Variants in ABCA5 observed in about 807,000 individuals in gnomAD.
ABCA5 encodes cholesterol transporter ABCA5.
ABCA5 carries 163 observed loss-of-function variants against 206.0 expected under a neutral mutation model. That is an observed-to-expected ratio of 0.79 (90% CI 0.70 to 0.90). The LOEUF is 0.90. ABCA5 is among the 40% of genes least tolerant of loss of function. The pLI is 0.00. For missense variants in ABCA5, 1,859 were observed against 1,912.9 expected, an observed-to-expected ratio of 0.97 and a Z score of 0.53; for synonymous variants, 609 against 613.8, an observed-to-expected ratio of 0.99 and a Z score of 0.11.
At chr17:69,318,970 G>C (rs2075841207) in intron 1 of ABCA5, 1 of 539,454 alleles carries the variant, frequency 1.9e-6, no homozygotes, top group Non-Finnish European at 3.4e-6. Flanking sequence ...TATAAATAAT[G>C]GCTGTTCAGC....
intron 22 of ABCA5, among the ~76,000 whole-genome samples, chr17:69,269,592 A>C (rs1039040624): frequency 6.6e-6 from 1 of 152,180 alleles, no homozygotes. Flanking sequence ...AAAATCTTCT[A>C]CTCAAATATT....
intron 29 of ABCA5, 121 bp from the exon 30 acceptor site, chr17:69,255,971 A>G: frequency 9.1e-7 from 1 of 1,095,786 alleles, no homozygotes; most frequent in Non-Finnish European, 1.3e-6. Flanking sequence ...TACTGTACAA[A>G]TAAATATCCA....
intron 23 of ABCA5, among the ~76,000 whole-genome samples, chr17:69,266,320 T>A (rs1019273530): frequency 6.6e-6 from 1 of 152,160 alleles, no homozygotes. Flanking sequence ...GTATCTTGAC[T>A]GTGTCAATGC....
chr17:69,260,366 C>G lies in ABCA5; in HGVS notation c.3611G>C (p.Trp1204Ser). The change falls in exon 27 of 39, where the codon TGG becomes TCG. Residue 1204 changes from tryptophan (W) to serine (S), a missense_variant. Trp to Ser is a radical substitution (Grantham distance 177). Coordinates refer to ENST00000392676, the MANE Select transcript of ABCA5 (RefSeq NM_172232.4). ...TATAACAGCTACTGAAAGCCTATCC[C>G]ATGGATTATAGGTGTCCACATTTTT... ...VRKNVDTYNP[W>S]DRLSVAVISP... is the part of the protein sequence containing the mutation. 1 of 1,607,708 alleles carries G rather than the reference C, an allele frequency of 6.2e-7. No individual in the cohort carries two copies. Among genetic ancestry groups the G allele is most frequent in the Non-Finnish European group, 8.5e-7 (1 of 1,176,414 alleles).
At chr17:69,248,870 C>T (rs1252473901) in intron 37 of ABCA5, 5 of 152,282 alleles carry the variant, frequency 3.3e-5, no homozygotes, top group Non-Finnish European at 7.3e-5. Context: ...GGACTACAGG[C>T]ACATGCCACT....
Position 69,255,755 on chromosome 17 carries a change from G to A in ABCA5, c.3954C>T (p.Tyr1318=), listed in dbSNP as rs1436935200. ...SRKVKKVATK[Y]ISFCVKKGEI... ...AGCCTTTTTTCACACAGAAAGAGAT[G>A]TATTTAGTTGCCACTTTCTTTACTT... is the stretch of plus-strand genomic sequence containing the variant. The change falls in exon 30 of 39, where the codon TAC becomes TAT. Residue 1318 remains tyrosine, a synonymous_variant. Coordinates refer to ENST00000392676, the MANE Select transcript of ABCA5 (RefSeq NM_172232.4). The A allele has an allele frequency of 1.3e-6, 2 of 1,593,288 alleles. No homozygotes were observed. Among genetic ancestry groups the A allele is most frequent in the Non-Finnish European group, 1.7e-6 (2 of 1,174,056 alleles).
intron 20 of ABCA5, among the ~76,000 whole-genome samples, chr17:69,272,757 C>T (rs2144939590): frequency 6.6e-6 from 1 of 152,242 alleles, no homozygotes; most frequent in African/African-American, 2.4e-5. Flanking sequence ...ACTCATTTAT[C>T]CATCAATAAA....
intron 16 of ABCA5, 77 bp downstream of exon 16, chr17:69,286,144 A>G (rs2075449340): frequency 5.8e-6 from 9 of 1,549,666 alleles, no homozygotes; most frequent in South Asian, 1.2e-5. Context: ...GTCAAAGCAT[A>G]TAACAGCAAG....
intron 20 of ABCA5, among the ~76,000 whole-genome samples, chr17:69,271,925 C>T (rs1455985002): frequency 6.6e-6 from 1 of 152,044 alleles, no homozygotes; most frequent in African/African-American, 2.4e-5. Context: ...GTACCTGGAG[C>T]CAAGAGTAAG....
chr17:69,295,375 C>T (rs1266056763), intron 10 of ABCA5, among the ~76,000 whole-genome samples: 1 of 152,134 alleles, frequency 6.6e-6, no homozygotes. Flanking sequence ...TATTGCACTA[C>T]ACATAATAAA....
intron 28 of ABCA5, 147 bp from the exon 29 acceptor site, chr17:69,256,430 ATTTCTTTTTTTTTCTTTCTTTC>A (rs1328455521): frequency 2.9e-5 from 13 of 447,450 alleles, no homozygotes; most frequent in African/African-American, 2.7e-4. Context: ...TATAAGCGAT[ATTTCTTTTTTTTTCTTTCTTTC>A]TTTCTTTTTT....
rs565108553 is a variant in ABCA5, at chr17:69,258,596, C to T, written c.3731+1110G>A. Among the ~76,000 whole-genome samples the T allele has an allele frequency of 1.7e-3, 263 of 152,130 alleles. 2 individuals are homozygous for T. Among genetic ancestry groups the T allele is most frequent in the African/African-American group, 6.1e-3 (252 of 41,510 alleles). On this transcript the variant is annotated intron_variant, in intron 28 of 38. Transcript: ENST00000392676. ...TTGAAAAACTACCTATTAGGTACAA[C>T]GTTCACCATTTGGGTAATGTTACAA...
intron 16 of ABCA5, 76 bp downstream of exon 16, chr17:69,286,145 T>C (rs2075449374): frequency 1.0e-5 from 16 of 1,549,880 alleles, no homozygotes; most frequent in Non-Finnish European, 1.4e-5. Flanking sequence ...TCAAAGCATA[T>C]AACAGCAAGC....
At position 69,290,049 on chromosome 17, in the gene ABCA5, A is replaced by T. The variant is rs781317429; in HGVS notation, c.1607-12T>A. 8 of 1,509,970 alleles carry T rather than the reference A, an allele frequency of 5.3e-6. No homozygotes were observed. The highest frequency in any genetic ancestry group is 5.4e-6 in the Non-Finnish European group (6 of 1,118,700). The allele number at this position is 1,509,970 out of a possible 1,614,324, so 93.5% of individuals were successfully genotyped here. The stretch of plus-strand genomic sequence containing the variant: ...TATAGATGCAAACCCTAAAAGCAAA[A>T]TATATATTTAAATGTACATTAATTA... On this transcript the variant is annotated splice_polypyrimidine_tract_variant and intron_variant, in intron 12 of 38. Transcript: ENST00000392676.
At chr17:69,317,392 T>C in intron 1 of ABCA5, among the ~76,000 whole-genome samples, 1 of 99,372 alleles carries the variant, frequency 1.0e-5, no homozygotes, top group African/African-American at 3.8e-5. Flanking sequence ...AGAGCAAGAC[T>C]CTGTCTCAAA....
In ABCA5 at chr17:69,287,638, G is replaced by A. The variant is rs1249490092; in HGVS notation, c.2016C>T (p.Phe672=). Residue 672 remains phenylalanine (F), a synonymous_variant, in exon 15 of 39, where the codon TTC becomes TTT. Coordinates refer to ENST00000392676, the MANE Select transcript of ABCA5 (RefSeq NM_172232.4). The part of the protein sequence containing the change: ...ANRVTVFSTH[F]MDEADILADR... ...CTGCAAGAATGTCAGCTTCATCCATGAAATGAGTACTGAACACTGTCACCC... is the reference window on the plus strand; with the variant it reads ...CTGCAAGAATGTCAGCTTCATCCATAAAATGAGTACTGAACACTGTCACCC... 6.2e-7 allele frequency: 1 copy of A among 1,611,588 alleles called. No homozygotes were observed. Among genetic ancestry groups the A allele is most frequent in the Admixed American group, 1.7e-5 (1 of 59,530 alleles).
chr17:69,275,867 C>T (rs1297438042), intron 19 of ABCA5, among the ~76,000 whole-genome samples: 1 of 152,022 alleles, frequency 6.6e-6, no homozygotes, highest in African/African-American at 2.4e-5. Flanking sequence ...TAAAGAGACA[C>T]CAGAGGGTGC....
intron 1 of ABCA5, among the ~76,000 whole-genome samples, chr17:69,320,812 C>A (rs527102): frequency 6.6e-6 from 1 of 152,100 alleles, no homozygotes; most frequent in African/African-American, 2.4e-5. Flanking sequence ...AGGGATATGG[C>A]GAATAAATAA....
intron 8 of ABCA5, 57 bp downstream of exon 8, chr17:69,302,661 A>T: frequency 8.1e-7 from 1 of 1,238,582 alleles, no homozygotes; most frequent in Non-Finnish European, 1.1e-6. Flanking sequence ...TAGTATAAGA[A>T]GCTACATAAA....
Sources: gnomAD v4.1 joint callset for allele counts (sites outside exome capture counted in the v4.1 genomes callset) on GRCh38, gnomAD v4.1.1 for gene constraint, MANE v1.5 for transcripts, NCBI Gene and HGNC (gene_info 2026-07-23, HGNC 2026-07-21) for gene names.